SLC30A8: variants seen among roughly 807,000 people sequenced by gnomAD.
The protein encoded by SLC30A8 is proton-coupled zinc antiporter SLC30A8.
In SLC30A8, 27 loss-of-function variants were observed where a neutral mutation model predicts 36.9. That is an observed-to-expected ratio of 0.73 (90% CI 0.54 to 1.01). The LOEUF (loss-of-function observed/expected upper bound fraction) is 1.01, where lower values mean the gene tolerates loss of function less well. Ranked by LOEUF, SLC30A8 falls within the 50% of genes least tolerant of loss-of-function variation. The pLI is 0.00. For missense variants in SLC30A8, 439 were observed against 452.0 expected, an observed-to-expected ratio of 0.97 and a Z score of 0.26; for synonymous variants, 164 against 172.4, an observed-to-expected ratio of 0.95 and a Z score of 0.38.
At chr8:117,030,971 TATC>T (rs1817026808) in intron 1 of SLC30A8, among the ~76,000 whole-genome samples, 1 of 152,188 alleles carries the variant, frequency 6.6e-6, no homozygotes. Flanking sequence ...AAGAACTAGA[TATC>T]ATAGATGTTT....
chr8:116,974,890 C>T (rs1814929894), intron 1 of SLC30A8, among the ~76,000 whole-genome samples: 1 of 152,088 alleles, frequency 6.6e-6, no homozygotes, highest in East Asian at 1.9e-4. Flanking sequence ...TTTGTAGGGA[C>T]ATGGATGAAG....
chr8:116,972,184 C>T (rs970226785), intron 1 of SLC30A8, among the ~76,000 whole-genome samples: 1 of 152,152 alleles, frequency 6.6e-6, no homozygotes, highest in Non-Finnish European at 1.5e-5. Flanking sequence ...TACACCTCAC[C>T]CTCTAACCAT....
intron 2 of SLC30A8, among the ~76,000 whole-genome samples, chr8:117,041,709 A>T (rs545792986): frequency 1.1e-3 from 168 of 152,172 alleles, no homozygotes; most frequent in African/African-American, 3.8e-3. Context: ...ATAAAAAAAT[A>T]AAAAAAATTC....
At chr8:117,078,862 AT>A (rs964086611) in intron 2 of SLC30A8, among the ~76,000 whole-genome samples, 1 of 151,772 alleles carries the variant, frequency 6.6e-6, no homozygotes, top group Non-Finnish European at 1.5e-5. Flanking sequence ...TAATTTTCTT[AT>A]TTTTTGTAGA....
chr8:117,064,606 C>G (rs1818112851), intron 2 of SLC30A8, among the ~76,000 whole-genome samples: 1 of 152,214 alleles, frequency 6.6e-6, no homozygotes, highest in South Asian at 2.1e-4. Context: ...AGTAAGAGAA[C>G]CTGTCACAGA....
In SLC30A8 at chr8:116,970,014, A is replaced by C. The variant is rs1390358337; in HGVS notation, c.-266+18895A>C. On this transcript the variant is annotated intron_variant, in intron 1 of 10. Coordinates refer to the SLC30A8 transcript ENST00000427715. ...CTTACTTTAACATTTTTACTTTATA[A>C]ATTTTTAAATTTTTTATACTTTTAG... Among the ~76,000 whole-genome samples the C allele has an allele frequency of 2.0e-5, 3 of 152,056 alleles. No homozygotes were observed. In the East Asian group the frequency reaches 5.8e-4, roughly 29 times the overall value.
At chr8:116,960,366 TTC>T (rs1814377405) in intron 1 of SLC30A8, among the ~76,000 whole-genome samples, 1 of 152,206 alleles carries the variant, frequency 6.6e-6, no homozygotes, top group Admixed American at 6.5e-5. Flanking sequence ...AGATAGAAAG[TTC>T]AAAAGGTCTT....
intron 1 of SLC30A8, among the ~76,000 whole-genome samples, chr8:117,004,712 A>G (rs559965867): frequency 8.5e-5 from 13 of 152,182 alleles, no homozygotes; most frequent in African/African-American, 1.7e-4. Flanking sequence ...TTTCTCTTAC[A>G]TTTGATACAG....
chr8:116,974,831 T>G (rs1814927064), intron 1 of SLC30A8, among the ~76,000 whole-genome samples: 1 of 152,144 alleles, frequency 6.6e-6, no homozygotes, highest in African/African-American at 2.4e-5. Flanking sequence ...ATGTGGCAGA[T>G]ATACTCCATG....
At chr8:117,112,775 C>T (rs73702965) in intron 2 of SLC30A8, among the ~76,000 whole-genome samples, 21 of 152,192 alleles carry the variant, frequency 1.4e-4, no homozygotes, top group South Asian at 1.2e-3. Context: ...TAGTCCAGGG[C>T]GAATGCTGGG....
At chr8:117,161,636 C>A in intron 4 of SLC30A8, 102 bp from the exon 5 acceptor site, 1 of 1,055,054 alleles carries the variant, frequency 9.5e-7, no homozygotes, top group Non-Finnish European at 1.4e-6. Flanking sequence ...TTCAACTATC[C>A]ATCATTTTGG....
chr8:116,972,878 G>T (rs1814838750), intron 1 of SLC30A8, among the ~76,000 whole-genome samples: 1 of 152,146 alleles, frequency 6.6e-6, no homozygotes, highest in African/African-American at 2.4e-5. Flanking sequence ...TTTAACTAGG[G>T]ATGTGAATTT....
chr8:117,011,394 G>A (rs1816340769), intron 1 of SLC30A8, among the ~76,000 whole-genome samples: 1 of 152,154 alleles, frequency 6.6e-6, no homozygotes, highest in African/African-American at 2.4e-5. Context: ...CCCTCTTATT[G>A]CGAAGTTCCT....
chr8:116,983,372 G>C (rs1815340641), intron 1 of SLC30A8, among the ~76,000 whole-genome samples: 1 of 152,040 alleles, frequency 6.6e-6, no homozygotes, highest in African/African-American at 2.4e-5. Context: ...TGAAATTTTT[G>C]AGGTTATTTT....
rs570155492 is a variant in SLC30A8, at chr8:117,088,952, T to C, written c.-225-46328T>C. Among the ~76,000 whole-genome samples, 5 of 152,332 alleles carry C rather than the reference T, an allele frequency of 3.3e-5. No homozygotes were observed. The South Asian group carries it at 8.3e-4, about 25-fold the overall frequency. On this transcript the variant is annotated intron_variant, in intron 2 of 10. Transcript: ENST00000427715. ...TAAAAGTCCTGTCACCAAGGTGATA[T>C]GTAATCTTCTTTCTCCCAAATCCAC...
chr8:117,140,037 A>T (rs1821577589), intron 1 of SLC30A8, among the ~76,000 whole-genome samples: 1 of 152,062 alleles, frequency 6.6e-6, no homozygotes, highest in African/African-American at 2.4e-5. Context: ...AGAGTTAGAA[A>T]TTATTTTTTA....
chr8:117,063,928 C>T (rs938111081), intron 2 of SLC30A8, among the ~76,000 whole-genome samples: 2 of 152,056 alleles, frequency 1.3e-5, no homozygotes, highest in African/African-American at 2.4e-5. Context: ...TTAAGAGATC[C>T]GAGAAAGGAC....
intron 1 of SLC30A8, among the ~76,000 whole-genome samples, chr8:116,995,172 G>C (rs1400044086): frequency 2.0e-5 from 3 of 152,050 alleles, no homozygotes; most frequent in Non-Finnish European, 2.9e-5. Context: ...TGATTCTGCT[G>C]TACCCTGAGA....
rs190619470 is a variant in SLC30A8, at chr8:117,018,461, A to G, written c.-265-20758A>G. Among the ~76,000 whole-genome samples the G allele has an allele frequency of 1.2e-3, 184 of 152,170 alleles. 1 individual carries two copies. Among genetic ancestry groups the G allele is most frequent in the Admixed American group, 5.0e-3 (76 of 15,280 alleles). Reference sequence around the variant, plus strand: ...TGCTTATTCAGCACATCTCAATTGGACTTACCACATTTCAAATGCTCAGCA... The same window carrying G: ...TGCTTATTCAGCACATCTCAATTGGGCTTACCACATTTCAAATGCTCAGCA... On this transcript the variant is annotated intron_variant, in intron 1 of 10. Coordinates refer to the SLC30A8 transcript ENST00000427715.
Sources: gnomAD v4.1 joint callset for allele counts (sites outside exome capture counted in the v4.1 genomes callset) on GRCh38, gnomAD v4.1.1 for gene constraint, MANE v1.5 for transcripts, NCBI Gene and HGNC (gene_info 2026-07-23, HGNC 2026-07-21) for gene names.